The following GABRG3 variants were observed in gnomAD, a reference collection of about 807,000 sequenced individuals.
The protein encoded by GABRG3 is gamma-aminobutyric acid receptor subunit gamma-3.
Under a neutral mutation model 48.8 loss-of-function variants are expected in GABRG3, and 25 were observed. The ratio of observed to expected loss-of-function variants is 0.51; its 90% confidence interval spans 0.37 to 0.72. The LOEUF (loss-of-function observed/expected upper bound fraction) is 0.72. GABRG3 is among the 30% of genes least tolerant of loss of function. GABRG3 has a pLI of 0.00. For synonymous variants in GABRG3, 227 were observed against 217.6 expected (o/e 1.04, Z -0.38); for missense variants, 394 against 577.9 (o/e 0.68, Z 3.26).
chr15:27,186,745 C>G (rs1326955265), intron 3 of GABRG3, among the ~76,000 whole-genome samples: 1 of 152,124 alleles, frequency 6.6e-6, no homozygotes, highest in Non-Finnish European at 1.5e-5. Context: ...ATTTGCACTT[C>G]TTTGATTACA....
At chr15:27,223,641 T>C (rs1459459229) in intron 3 of GABRG3, among the ~76,000 whole-genome samples, 4 of 152,150 alleles carry the variant, frequency 2.6e-5, no homozygotes, top group African/African-American at 9.7e-5. Context: ...TTTGCAAAAA[T>C]GTTTAAAATA....
chr15:27,007,404 T>A (rs984945913), intron 2 of GABRG3, among the ~76,000 whole-genome samples: 7 of 152,180 alleles, frequency 4.6e-5, no homozygotes, highest in African/African-American at 1.7e-4. Flanking sequence ...TATAGTAGAA[T>A]GATTTGTATT....
intron 3 of GABRG3, among the ~76,000 whole-genome samples, chr15:27,263,918 T>G (rs1392511005): frequency 2.2e-5 from 2 of 91,976 alleles, no homozygotes; most frequent in East Asian, 2.1e-4. Context: ...AGAGCGAGAC[T>G]CTGTCAAAAA....
At chr15:27,051,539 G>A (rs1441900664) in intron 3 of GABRG3, among the ~76,000 whole-genome samples, 1 of 152,182 alleles carries the variant, frequency 6.6e-6, no homozygotes, top group Non-Finnish European at 1.5e-5. Context: ...CCACACATGG[G>A]ATTAGTGACT....
intron 3 of GABRG3, among the ~76,000 whole-genome samples, chr15:27,202,127 C>T (rs1277280066): frequency 1.3e-5 from 2 of 152,174 alleles, no homozygotes; most frequent in Non-Finnish European, 2.9e-5. Context: ...CCAAGAGAAC[C>T]AACGGAAGTG....
At chr15:27,251,090 C>T (rs1595613577) in intron 3 of GABRG3, among the ~76,000 whole-genome samples, 1 of 152,178 alleles carries the variant, frequency 6.6e-6, no homozygotes, top group Non-Finnish European at 1.5e-5. Flanking sequence ...CTGCCTGGCT[C>T]ATTCTATTAT....
At chr15:27,446,340 T>G (rs1888944794) in intron 5 of GABRG3, among the ~76,000 whole-genome samples, 2 of 152,230 alleles carry the variant, frequency 1.3e-5, no homozygotes, top group Non-Finnish European at 2.9e-5. Flanking sequence ...GACATTCGTG[T>G]GCTTCTGATT....
At chr15:27,071,605 G>A (rs973466688) in intron 3 of GABRG3, among the ~76,000 whole-genome samples, 3 of 152,210 alleles carry the variant, frequency 2.0e-5, no homozygotes, top group Admixed American at 1.3e-4. Context: ...GAAGGCCAGC[G>A]CAGGTGCAGC....
chr15:27,045,458 T>G (rs547121878), intron 3 of GABRG3, among the ~76,000 whole-genome samples: 1 of 152,354 alleles, frequency 6.6e-6, no homozygotes, highest in South Asian at 2.1e-4. Flanking sequence ...TTTATCTGAT[T>G]TCCCTTTCCG....
chr15:27,326,840 C>G lies in GABRG3; in HGVS notation c.302C>G (p.Thr101Ser). ...EYQIDIFFAQ[T>S]WTDSRLRFNS... ...CAAATTGACATATTTTTTGCTCAGA[C>G]CTGGACAGATAGTCGCCTTCGATTC... Residue 101 changes from threonine to serine, a missense_variant, in exon 4 of 10, where the codon ACC (threonine) becomes AGC (serine). Thr to Ser is a moderately conservative substitution (Grantham distance 58). Around this residue, in one of 3 missense-constraint regions of GABRG3, gnomAD observed 218 missense variants for 309.9 expected, o/e 0.70. Transcript: ENST00000615808. 5.0e-6 allele frequency: 8 copies of G among 1,613,948 alleles called. No individual in the cohort carries two copies. The highest frequency in any genetic ancestry group is 6.8e-6 in the Non-Finnish European group (8 of 1,179,864).
chr15:27,470,077 T>C (rs1192093967), intron 5 of GABRG3, among the ~76,000 whole-genome samples: 1 of 152,180 alleles, frequency 6.6e-6, no homozygotes, highest in Non-Finnish European at 1.5e-5. Flanking sequence ...AGTACTTATT[T>C]AGCCTGAAAT....
intron 3 of GABRG3, among the ~76,000 whole-genome samples, chr15:27,154,568 T>A (rs1369568272): frequency 6.6e-6 from 1 of 152,234 alleles, no homozygotes; most frequent in African/African-American, 2.4e-5. Flanking sequence ...TGATACTTGC[T>A]CTGCATTGTG....
At chr15:27,444,047 TC>T (rs992006658) in intron 5 of GABRG3, among the ~76,000 whole-genome samples, 4 of 152,216 alleles carry the variant, frequency 2.6e-5, no homozygotes, top group African/African-American at 7.2e-5. Context: ...AGTGTTCATG[TC>T]AATTTCCTTT....
Position 27,245,669 on chromosome 15 carries a change from C to T in GABRG3, c.271-81140C>T, listed in dbSNP as rs563854344. ...CAGGTGAATTACAACGTCAGGAGTT[C>T]GAAACCAGCCTGGCCAACATGGTGA... On this transcript the variant is annotated intron_variant, in intron 3 of 9. Transcript: ENST00000615808. 3.9e-4 allele frequency among the ~76,000 whole-genome samples: 41 copies of T among 106,030 alleles called. No individual in the cohort carries two copies. The South Asian group carries it at 0.013, about 34-fold the overall frequency. The allele number at this position is 106,030 out of a possible 152,430, so 69.6% of individuals were successfully genotyped here. A position where few individuals can be genotyped will look rare whatever the true frequency, so the allele number is the denominator to read the frequency against.
chr15:27,329,030 C>T (rs1306570728), intron 5 of GABRG3, 142 bp downstream of exon 5: 1 of 730,476 alleles, frequency 1.4e-6, no homozygotes, highest in African/African-American at 1.7e-5. Flanking sequence ...GTATTGACCA[C>T]CTGGGTGTTT....
chr15:27,308,398 A>G (rs1328582623), intron 3 of GABRG3, among the ~76,000 whole-genome samples: 2 of 145,088 alleles, frequency 1.4e-5, no homozygotes, highest in Non-Finnish European at 3.0e-5. Flanking sequence ...TAAACATATA[A>G]TATAAACATA....
At chr15:27,226,983 A>G (rs1415179554) in intron 3 of GABRG3, among the ~76,000 whole-genome samples, 1 of 152,236 alleles carries the variant, frequency 6.6e-6, no homozygotes, top group Non-Finnish European at 1.5e-5. Flanking sequence ...TTCTCCTTTA[A>G]TAAAACGTTG....
At chr15:27,007,991 A>T (rs905155814) in intron 2 of GABRG3, among the ~76,000 whole-genome samples, 1 of 152,038 alleles carries the variant, frequency 6.6e-6, no homozygotes, top group Non-Finnish European at 1.5e-5. Context: ...AGTATATGTT[A>T]TCTACTGTCC....
chr15:27,531,353 T>G (rs988550919), intron 9 of GABRG3, among the ~76,000 whole-genome samples: 4 of 152,214 alleles, frequency 2.6e-5, no homozygotes, highest in Admixed American at 6.5e-5. Flanking sequence ...CCCATGACTA[T>G]GAGCATGTCC....
Sources: gnomAD v4.1 joint callset for allele counts (sites outside exome capture counted in the v4.1 genomes callset) on GRCh38, gnomAD v4.1.1 for gene constraint, gnomAD v4.1.1 regional missense constraint, MANE v1.5 for transcripts, NCBI Gene and HGNC (gene_info 2026-07-23, HGNC 2026-07-21) for gene names.